COPG1: variants seen among roughly 807,000 people sequenced by gnomAD.
The protein encoded by COPG1 is coat protein complex I subunit gamma 1.
A neutral mutation model predicts 102.8 loss-of-function variants in COPG1; 29 were observed. That is an observed-to-expected ratio of 0.28 (90% CI 0.21 to 0.38). The LOEUF (loss-of-function observed/expected upper bound fraction) is 0.38, where lower values mean the gene tolerates loss of function less well. Ranked by LOEUF, COPG1 falls within the 10% of genes least tolerant of loss-of-function variation. The probability of loss-of-function intolerance (pLI) is 1.00; values close to 1 mark genes in which losing one functional copy is unlikely to be tolerated. For synonymous variants in COPG1, 406 were observed against 421.6 expected (o/e 0.96, Z 0.45); for missense variants, 875 against 1,132.7 (o/e 0.77, Z 3.27).
At chr3:129,273,795 T>C (rs377329597) in intron 21 of COPG1, among the ~76,000 whole-genome samples, 49 of 152,234 alleles carry the variant, frequency 3.2e-4, no homozygotes, top group African/African-American at 1.1e-3. Flanking sequence ...TTGATTCCTC[T>C]TGTCAAATGC....
intron 12 of COPG1, among the ~76,000 whole-genome samples, chr3:129,262,772 C>G (rs750865714): frequency 1.3e-5 from 2 of 151,238 alleles, no homozygotes; most frequent in Non-Finnish European, 2.9e-5. Flanking sequence ...GTAATCACAG[C>G]ACTTGGGAGG....
intron 7 of COPG1, 136 bp downstream of exon 7, chr3:129,255,213 CTG>C: frequency 1.6e-6 from 1 of 624,494 alleles, no homozygotes. Context: ...GAGTCTCACT[CTG>C]TCACCCAGGC....
intron 1 of COPG1, 81 bp from the exon 2 acceptor site, chr3:129,250,601 G>C: frequency 9.0e-7 from 1 of 1,112,416 alleles, no homozygotes; most frequent in South Asian, 1.3e-5. Flanking sequence ...CCTAGGAAGG[G>C]ACATCTTCCC....
At chr3:129,265,907 A>G (rs1940048090) in intron 14 of COPG1, 115 bp downstream of exon 14, 2 of 1,055,774 alleles carry the variant, frequency 1.9e-6, no homozygotes, top group Non-Finnish European at 2.7e-6. Flanking sequence ...TTGCTGCACA[A>G]GCTGTTTTTC....
intron 14 of COPG1, among the ~76,000 whole-genome samples, chr3:129,266,267 G>A (rs943798177): frequency 6.6e-6 from 1 of 151,968 alleles, no homozygotes; most frequent in Non-Finnish European, 1.5e-5. Flanking sequence ...CACCGTGCTC[G>A]GCCATGGTTC....
intron 19 of COPG1, 42 bp from the exon 20 acceptor site, chr3:129,272,202 G>T: frequency 6.3e-7 from 1 of 1,575,496 alleles, no homozygotes; most frequent in South Asian, 1.1e-5. Context: ...GCATGGCTCG[G>T]ACCTAGTGCA....
At chr3:129,259,476 A>G (rs563653870) in intron 10 of COPG1, among the ~76,000 whole-genome samples, 4 of 151,050 alleles carry the variant, frequency 2.6e-5, no homozygotes, top group African/African-American at 9.8e-5. Context: ...AAAAAAAAAA[A>G]AAAAGAAATG....
At chr3:129,250,826 G>T in intron 2 of COPG1, 92 bp downstream of exon 2, 2 of 1,094,674 alleles carry the variant, frequency 1.8e-6, no homozygotes, top group Non-Finnish European at 1.4e-6. Flanking sequence ...TTGTTTTAAA[G>T]AGCAACACGG....
intron 1 of COPG1, 24 bp from the exon 2 acceptor site, chr3:129,250,658 C>T: frequency 6.2e-7 from 1 of 1,608,228 alleles, no homozygotes; most frequent in Non-Finnish European, 8.5e-7. Context: ...CACAACCTAC[C>T]TTCTCCATTG....
At chr3:129,273,247 C>CT (rs1940214153) in intron 21 of COPG1, among the ~76,000 whole-genome samples, 1 of 152,194 alleles carries the variant, frequency 6.6e-6, no homozygotes, top group Admixed American at 6.5e-5. Flanking sequence ...TGGTCGCGAT[C>CT]TCCTCACCTC....
chr3:129,272,327 C>T lies in COPG1; in HGVS notation c.2070C>T (p.Leu690=), dbSNP rs747030925. 1 of 1,614,130 alleles carries T rather than the reference C, an allele frequency of 6.2e-7. No individual in the cohort carries two copies. The highest frequency in any genetic ancestry group is 1.1e-5 in the South Asian group (1 of 91,082). ...QMEPTEAYEV[L]CYVPARSLPY... ...AGCCCACTGAGGCCTATGAGGTGCT[C>T]TGTTACGTGCCTGCCCGGAGCCTGC... Residue 690 remains leucine, a synonymous_variant, in exon 20 of 24, where the codon CTC becomes CTT. Coordinates refer to ENST00000314797, the MANE Select transcript of COPG1 (RefSeq NM_016128.4).
chr3:129,258,445 T>C (rs776762300), intron 10 of COPG1, among the ~76,000 whole-genome samples: 1 of 152,238 alleles, frequency 6.6e-6, no homozygotes, highest in Non-Finnish European at 1.5e-5. Flanking sequence ...GTTTGTTGTT[T>C]GCCGTTTGCT....
intron 21 of COPG1, among the ~76,000 whole-genome samples, chr3:129,273,456 G>T (rs947467351): frequency 8.5e-5 from 13 of 152,196 alleles, no homozygotes; most frequent in African/African-American, 2.4e-5. Flanking sequence ...AGTTATTTTT[G>T]GGGGGAAGTG....
chr3:129,265,288 C>T (rs1190337061), intron 13 of COPG1, among the ~76,000 whole-genome samples: 1 of 152,002 alleles, frequency 6.6e-6, no homozygotes, highest in African/African-American at 2.4e-5. Context: ...GATGGGGTCT[C>T]TCCATGATGC....
At chr3:129,258,911 A>G (rs1939867050) in intron 10 of COPG1, among the ~76,000 whole-genome samples, 1 of 152,196 alleles carries the variant, frequency 6.6e-6, no homozygotes, top group South Asian at 2.1e-4. Context: ...GAAAGTGGAT[A>G]TGTTGAGAGG....
intron 19 of COPG1, 41 bp from the exon 20 acceptor site, chr3:129,272,203 A>T (rs889262042): frequency 1.1e-5 from 17 of 1,575,564 alleles, no homozygotes; most frequent in Non-Finnish European, 1.2e-5. Context: ...CATGGCTCGG[A>T]CCTAGTGCAA....
chr3:129,265,388 G>A (rs1199414089), intron 13 of COPG1, among the ~76,000 whole-genome samples, 161 bp from the exon 14 acceptor site: 1 of 152,166 alleles, frequency 6.6e-6, no homozygotes, highest in Non-Finnish European at 1.5e-5. Context: ...CACTGCACCT[G>A]ACCAGCCTTT....
At chr3:129,256,700 G>A (rs546837627) in intron 8 of COPG1, among the ~76,000 whole-genome samples, 8 of 152,192 alleles carry the variant, frequency 5.3e-5, no homozygotes, top group Admixed American at 1.3e-4. Context: ...AGTGCCTATC[G>A]GCGCTCCCTG....
chr3:129,252,605 C>T lies in COPG1; in HGVS notation c.172-18C>T, dbSNP rs1235706836. 1 of 1,610,360 alleles carries T rather than the reference C, an allele frequency of 6.2e-7. No individual in the cohort carries two copies. Among genetic ancestry groups the T allele is most frequent in the African/African-American group, 1.3e-5 (1 of 74,842 alleles). ...GACCCTCTGTCCCAAGCTGAGACTT[C>T]TTTCTTGATTAACACAGGGGGAGCA... On this transcript the variant is annotated intron_variant, in intron 3 of 23. Coordinates refer to ENST00000314797, the MANE Select transcript of COPG1 (RefSeq NM_016128.4).
Sources: allele counts gnomAD v4.1 joint callset (sites outside exome capture counted in the v4.1 genomes callset), GRCh38; gene constraint gnomAD v4.1.1; transcripts MANE v1.5; gene names NCBI Gene and HGNC (gene_info 2026-07-23, HGNC 2026-07-21).